Variants in GRIA2 observed in about 807,000 individuals in gnomAD.
GRIA2 encodes the protein glutamate ionotropic receptor AMPA type subunit 2, also known as glutamate receptor 2.
GRIA2 carries 14 observed loss-of-function variants against 97.3 expected under a neutral mutation model. The ratio of observed to expected loss-of-function variants is 0.14; its 90% confidence interval spans 0.10 to 0.23. The LOEUF (loss-of-function observed/expected upper bound fraction) is 0.23. Among genes scored for constraint, GRIA2 ranks in the 10% least tolerant of loss-of-function variants. GRIA2 has a pLI of 1.00. For synonymous variants in GRIA2, 412 were observed against 387.8 expected (o/e 1.06, Z -0.73); for missense variants, 558 against 1,069.8 (o/e 0.52, Z 6.67).
Position 157,361,260 on chromosome 4 carries a change from T to C in GRIA2, c.2406+136T>C. The C allele has an allele frequency of 2.9e-6, 2 of 685,262 alleles. No homozygotes were observed. The highest frequency in any genetic ancestry group is 2.5e-6 in the Non-Finnish European group (1 of 399,428). The allele number at this position is 685,262 out of a possible 1,614,324, so 42.4% of individuals were successfully genotyped here. The stretch of plus-strand genomic sequence containing the variant: ...AGTGCAATTGGATGACCAGGACACT[T>C]GACTTCTTCTTTCTTTCTTCCTCTA... On this transcript the variant is annotated intron_variant, in intron 14 of 15. Transcript: ENST00000264426. This position sits in a 1 kb window ranked among gnomAD's most constrained non-coding sequence, Gnocchi z 5.2.
At chr4:157,240,187 GT>G (rs1211886528) in intron 2 of GRIA2, among the ~76,000 whole-genome samples, 1 of 152,086 alleles carries the variant, frequency 6.6e-6, no homozygotes, top group Non-Finnish European at 1.5e-5. Context: ...ATATGCATGG[GT>G]GTGTGTGCAT....
At chr4:157,303,458 A>T in intron 2 of GRIA2, 94 bp from the exon 3 acceptor site, 1 of 987,812 alleles carries the variant, frequency 1.0e-6, no homozygotes, top group Non-Finnish European at 1.5e-6. Flanking sequence ...TTAATTTTGT[A>T]TTTTATGTAA....
At chr4:157,231,996 A>G (rs943651913) in intron 2 of GRIA2, among the ~76,000 whole-genome samples, 4 of 152,212 alleles carry the variant, frequency 2.6e-5, no homozygotes, top group African/African-American at 9.7e-5. Flanking sequence ...TAACTATTCA[A>G]AAGTTATTCA....
At chr4:157,362,716 G>A (rs1736687804) in intron 14 of GRIA2, 83 bp from the exon 15 acceptor site, 12 of 1,173,412 alleles carry the variant, frequency 1.0e-5, no homozygotes, top group South Asian at 4.3e-5. Flanking sequence ...GGTTGTTCCC[G>A]TGATAATGCT....
intron 12 of GRIA2, among the ~76,000 whole-genome samples, chr4:157,346,118 T>G (rs1560776368): frequency 6.6e-6 from 1 of 152,092 alleles, no homozygotes. Flanking sequence ...TAATTGAGAG[T>G]ATTTTTTTAA....
chr4:157,340,672 C>T lies in GRIA2; in HGVS notation c.1845-592C>T, dbSNP rs1171769701. ...TATTCATTAATAGTTATATTTTGTG[C>T]GGTATCTTTGCTTGTAGCATTATTT... On this transcript the variant is annotated intron_variant, in intron 11 of 15. Transcript: ENST00000264426. 4.6e-5 allele frequency among the ~76,000 whole-genome samples: 7 copies of T among 151,604 alleles called. No homozygotes were observed. The East Asian group carries it at 5.8e-4, about 13-fold the overall frequency.
intron 2 of GRIA2, among the ~76,000 whole-genome samples, chr4:157,263,649 C>T (rs767561461): frequency 6.6e-6 from 1 of 151,960 alleles, no homozygotes; most frequent in Non-Finnish European, 1.5e-5. Context: ...TTCTGTACCC[C>T]GTTGCCCTAA....
Position 157,365,472 on chromosome 4 carries a change from T to C in GRIA2, c.*2041T>C, listed in dbSNP as rs1338493649. ...GGCCTACTCTTCTAAAAATTGTAGCTTATCGATTTTTCTCTGTCAAGCTTG... is the reference window on the plus strand; with the variant it reads ...GGCCTACTCTTCTAAAAATTGTAGCCTATCGATTTTTCTCTGTCAAGCTTG... On this transcript the variant is annotated 3_prime_UTR_variant, in exon 16 of 16. Transcript: ENST00000264426. The C allele has an allele frequency of 6.6e-6, 1 of 152,018 alleles. No individual in the cohort carries two copies. Among genetic ancestry groups the C allele is most frequent in the African/African-American group, 2.4e-5 (1 of 41,404 alleles). The allele number at this position is 152,018 out of a possible 1,614,324, so 9.4% of individuals were successfully genotyped here. A position where few individuals can be genotyped will look rare whatever the true frequency, so the allele number is the denominator to read the frequency against.
rs149477258 is a variant in GRIA2 at position 157,285,557 on chromosome 4, T to TTGTGTG, written c.230-17973_230-17968dup. Among the ~76,000 whole-genome samples the TTGTGTG allele has an allele frequency of 4.1e-4, 61 of 147,332 alleles. No homozygotes were observed. The East Asian group carries it at 5.7e-3, about 14-fold the overall frequency. ...TTAGTTTTTAGCCTACCTATAATATTTGTGTGTGTGTGTGTGTGTGTGTGT... is the reference window on the plus strand; with the variant it reads ...TTAGTTTTTAGCCTACCTATAATATTTGTGTGTGTGTGTGTGTGTGTGTGTGTGTGT... On this transcript the variant is annotated intron_variant, in intron 2 of 15. Transcript: ENST00000264426.
intron 12 of GRIA2, among the ~76,000 whole-genome samples, chr4:157,355,973 A>ATATATT (rs1560781353): frequency 9.5e-5 from 4 of 42,240 alleles, no homozygotes; most frequent in Non-Finnish European, 1.4e-4. Context: ...GTATATTAAT[A>ATATATT]TATATATTTA....
chr4:157,296,679 G>C (rs956186899), intron 2 of GRIA2, among the ~76,000 whole-genome samples: 1 of 152,092 alleles, frequency 6.6e-6, no homozygotes. Context: ...GAAACATAGA[G>C]CTGGGCTTCC....
In GRIA2 at chr4:157,220,987, G is replaced by C. The variant is rs1429491200; in HGVS notation, c.-56G>C. 4.6e-6 allele frequency: 4 copies of C among 860,486 alleles called. No homozygotes were observed. The East Asian group carries it at 9.6e-5, about 21-fold the overall frequency. 53.3% of individuals were successfully genotyped at this position (860,486 alleles called of 1,614,324 possible). ...CAGAGGAAAACAGCCAAAGAAGGAA[G>C]AGGAGGAAAAGGAAAAAAAAAGGGG... is the stretch of plus-strand genomic sequence containing the variant. On this transcript the variant is annotated 5_prime_UTR_variant, in exon 1 of 16. Transcript: ENST00000264426.
chr4:157,355,819 ATATATT>A (rs1736263973), intron 12 of GRIA2, among the ~76,000 whole-genome samples: 1 of 78,970 alleles, frequency 1.3e-5, no homozygotes, highest in African/African-American at 4.2e-5. Flanking sequence ...TATTAGTTAT[ATATATT>A]TATATATATT....
chr4:157,261,131 G>C (rs1311723624), intron 2 of GRIA2, among the ~76,000 whole-genome samples: 1 of 152,078 alleles, frequency 6.6e-6, no homozygotes, highest in African/African-American at 2.4e-5. Context: ...ATATGGCTGG[G>C]GAGGCCTCAC....
intron 2 of GRIA2, among the ~76,000 whole-genome samples, chr4:157,281,543 T>G (rs1732594727): frequency 6.6e-6 from 1 of 152,168 alleles, no homozygotes; most frequent in Admixed American, 6.5e-5. Context: ...TATCCAAAAG[T>G]TTTTCAAGAG....
intron 6 of GRIA2, among the ~76,000 whole-genome samples, chr4:157,324,759 A>G (rs1734731553): frequency 6.6e-6 from 1 of 152,196 alleles, no homozygotes; most frequent in South Asian, 2.1e-4. Context: ...GGTAGTAACA[A>G]GAGCATGCTT....
intron 2 of GRIA2, among the ~76,000 whole-genome samples, chr4:157,265,512 GT>G (rs1241605641): frequency 6.6e-6 from 1 of 152,100 alleles, no homozygotes; most frequent in Non-Finnish European, 1.5e-5. Context: ...ATGAACAAAT[GT>G]TCTAAGACAG....
intron 13 of GRIA2, chr4:157,360,720 T>G (rs1396992835): frequency 1.9e-6 from 1 of 518,876 alleles, no homozygotes; most frequent in Non-Finnish European, 3.7e-6. Context: ...GGAGTCACAT[T>G]CAAGACACTG....
chr4:157,281,141 A>C (rs1732574646), intron 2 of GRIA2, among the ~76,000 whole-genome samples: 1 of 152,098 alleles, frequency 6.6e-6, no homozygotes. Flanking sequence ...TCAACAATTC[A>C]ATTCAATAAT....
Sources: allele counts gnomAD v4.1 joint callset (sites outside exome capture counted in the v4.1 genomes callset), GRCh38; gene constraint gnomAD v4.1.1; non-coding constraint Gnocchi (gnomAD v3.1); transcripts MANE v1.5; gene names NCBI Gene and HGNC (gene_info 2026-07-23, HGNC 2026-07-21).